ZFP64: variants seen among roughly 807,000 people sequenced by gnomAD.
The protein encoded by ZFP64 is zinc finger protein 64.
Under a neutral mutation model 51.6 loss-of-function variants are expected in ZFP64, and 14 were observed. That is an observed-to-expected ratio of 0.27 (90% CI 0.18 to 0.42). The LOEUF (loss-of-function observed/expected upper bound fraction) is 0.42. Among genes scored for constraint, ZFP64 ranks in the 10% least tolerant of loss-of-function variants. The pLI, the probability that ZFP64 is intolerant of heterozygous loss-of-function variation, is 1.00. For synonymous variants in ZFP64, 375 were observed against 361.4 expected (o/e 1.04, Z -0.43); for missense variants, 754 against 906.8 (o/e 0.83, Z 2.16).
intron 5 of ZFP64, chr20:52,111,179 G>A (rs1600717266): frequency 8.2e-6 from 5 of 611,246 alleles, no homozygotes; most frequent in Non-Finnish European, 1.5e-5. Context: ...AGTGGAGAAC[G>A]CCCCAAGTCA....
At chr20:52,089,322 T>A (rs2078897583) in intron 7 of ZFP64, among the ~76,000 whole-genome samples, 1 of 151,978 alleles carries the variant, frequency 6.6e-6, no homozygotes, top group Non-Finnish European at 1.5e-5. Context: ...ATTAGAGAAA[T>A]GAAAACTATG....
chr20:52,098,662 G>C, intron 5 of ZFP64: 3 of 1,587,254 alleles, frequency 1.9e-6, no homozygotes, highest in Non-Finnish European at 1.7e-6. Context: ...CAGTAGGTTT[G>C]GGCTTATTTC....
In ZFP64 at chr20:52,085,624, T is replaced by A. The variant is rs1204884014; in HGVS notation, c.1229-358A>T. ...CCCATTTAACTTGACATCCCAGAAT[T>A]GAATGTGGAAGAAGAGGTGAGATTT... On this transcript the variant is annotated intron_variant, in intron 8 of 8. Coordinates refer to the ZFP64 transcript ENST00000361387. This position sits in a 1 kb window ranked among gnomAD's most constrained non-coding sequence, Gnocchi z 4.3. 6.6e-6 allele frequency among the ~76,000 whole-genome samples: 1 copy of A among 152,112 alleles called. No homozygotes were observed. Among genetic ancestry groups the A allele is most frequent in the Non-Finnish European group, 1.5e-5 (1 of 68,034 alleles).
At chr20:52,101,878 G>A (rs1355782820) in intron 5 of ZFP64, among the ~76,000 whole-genome samples, 1 of 150,096 alleles carries the variant, frequency 6.7e-6, no homozygotes, top group Non-Finnish European at 1.5e-5. Context: ...TAGCATTTTG[G>A]GAGGCTGAGG....
downstream of ZFP64, among the ~76,000 whole-genome samples, chr20:52,149,542 T>C (rs1980688895): frequency 6.6e-6 from 1 of 152,214 alleles, no homozygotes; most frequent in African/African-American, 2.4e-5. Flanking sequence ...ATGTTATCTT[T>C]TGAGTCTACG....
Position 52,152,661 on chromosome 20 carries a change from T to C in ZFP64, c.1531A>G (p.Ile511Val). The change falls in exon 6 of 6, where the codon ATC becomes GTC. Residue 511 changes from isoleucine to valine, a missense_variant. Around this residue, in one of 3 missense-constraint regions of ZFP64, gnomAD observed 428 missense variants for 472.4 expected, o/e 0.91. Transcript: ENST00000216923. ...VGHQVPQANTIVQAAAAAVNI... is the reference protein window; with the variant it reads ...VGHQVPQANTVVQAAAAAVNI... ...ACTGCAGCGGCGGCAGCCTGGACGA[T>C]GGTGTTCGCCTGGGGCACCTGATGC... 6.5e-7 allele frequency: 1 copy of C among 1,537,452 alleles called. No homozygotes were observed. The highest frequency in any genetic ancestry group is 8.7e-7 in the Non-Finnish European group (1 of 1,144,896).
intron 1 of ZFP64, among the ~76,000 whole-genome samples, chr20:52,187,738 G>T (rs1984078197): frequency 6.6e-6 from 1 of 151,900 alleles, no homozygotes; most frequent in African/African-American, 2.4e-5. Context: ...ATAATGTATA[G>T]CAACCATCCA....
intron 7 of ZFP64, among the ~76,000 whole-genome samples, chr20:52,095,618 G>A (rs1402526584): frequency 1.3e-5 from 2 of 152,304 alleles, no homozygotes; most frequent in East Asian, 3.9e-4. Flanking sequence ...CAGAGAAGTG[G>A]CCTAAGTTTG....
In ZFP64 at chr20:52,152,212, G is replaced by A. The variant is rs757241662; in HGVS notation, c.1980C>T (p.Thr660=). The part of the protein sequence containing the change: ...SSSQQELPKQ[T]YSIIQGAAHP... Reference sequence around the variant, plus strand: ...GGGCTGCCCCTTGAATGATGGAGTAGGTCTGCTTGGGTAGTTCTTGCTGGG... The same window carrying A: ...GGGCTGCCCCTTGAATGATGGAGTAAGTCTGCTTGGGTAGTTCTTGCTGGG... Residue 660 remains threonine, a synonymous_variant, in exon 6 of 6, where the codon ACC becomes ACT. Transcript: ENST00000216923. The A allele has an allele frequency of 3.7e-6, 6 of 1,614,008 alleles. No individual in the cohort carries two copies. The African/African-American group carries it at 8.0e-5, about 22-fold the overall frequency.
intron 5 of ZFP64, among the ~76,000 whole-genome samples, chr20:52,119,344 C>T (rs957279381): frequency 4.0e-5 from 6 of 150,556 alleles, no homozygotes; most frequent in South Asian, 4.2e-4. Context: ...GTCGAAACCC[C>T]GACTCTACTA....
At chr20:52,106,554 G>A (rs1231277743) in intron 5 of ZFP64, among the ~76,000 whole-genome samples, 4 of 152,024 alleles carry the variant, frequency 2.6e-5, no homozygotes, top group African/African-American at 9.7e-5. Context: ...TACCGTTGGC[G>A]AACCCCACGG....
chr20:52,114,940 G>A (rs758939917), intron 5 of ZFP64, among the ~76,000 whole-genome samples: 6 of 152,144 alleles, frequency 3.9e-5, no homozygotes, highest in Admixed American at 6.5e-5. Flanking sequence ...GCTCATGCCT[G>A]TAATCCCAGC....
At chr20:52,089,208 A>T in intron 7 of ZFP64, 1 of 256,114 alleles carries the variant, frequency 3.9e-6, no homozygotes, top group Non-Finnish European at 7.8e-6. Flanking sequence ...ATCATATCCA[A>T]ATAAAATTAG....
chr20:52,190,137 C>A (rs1046245161), intron 1 of ZFP64, among the ~76,000 whole-genome samples: 1 of 152,142 alleles, frequency 6.6e-6, no homozygotes, highest in African/African-American at 2.4e-5. Flanking sequence ...CAGGGATACA[C>A]TTAAGCACTT....
chr20:52,096,570 A>G (rs925807166), intron 7 of ZFP64, among the ~76,000 whole-genome samples: 2 of 152,248 alleles, frequency 1.3e-5, no homozygotes, highest in Admixed American at 6.5e-5. Flanking sequence ...AAGGGTTGGC[A>G]AAGTGTTTTG....
chr20:52,108,861 AACACACACACACACACAC>A (rs57127987), intron 5 of ZFP64, among the ~76,000 whole-genome samples: 8 of 139,750 alleles, frequency 5.7e-5, no homozygotes, highest in Admixed American at 1.5e-4. Flanking sequence ...GAAAATCTGA[AACACACACACACACACAC>A]ACACACACAC....
intron 5 of ZFP64, among the ~76,000 whole-genome samples, chr20:52,154,380 A>C (rs1391310248): frequency 6.6e-6 from 1 of 152,170 alleles, no homozygotes; most frequent in African/African-American, 2.4e-5. Flanking sequence ...ACCCAGACAG[A>C]CTACATAACT....
intron 6 of ZFP64, among the ~76,000 whole-genome samples, chr20:52,098,047 C>T (rs1354130560): frequency 6.6e-6 from 1 of 151,782 alleles, no homozygotes; most frequent in Non-Finnish European, 1.5e-5. Flanking sequence ...CCAGCCTTAA[C>T]AGAGCAAGAC....
chr20:52,093,144 T>A (rs994128916), intron 7 of ZFP64, among the ~76,000 whole-genome samples: 19 of 145,166 alleles, frequency 1.3e-4, no homozygotes, highest in East Asian at 4.0e-4. Context: ...AAAAAAAAAA[T>A]TTTTTTTTTT....
Sources: allele counts gnomAD v4.1 joint callset (sites outside exome capture counted in the v4.1 genomes callset), GRCh38; gene constraint gnomAD v4.1.1; regional missense constraint gnomAD v4.1.1; non-coding constraint Gnocchi (gnomAD v3.1); transcripts MANE v1.5; gene names NCBI Gene and HGNC (gene_info 2026-07-23, HGNC 2026-07-21).